The following GLI2 variants were observed in gnomAD, a reference collection of about 807,000 sequenced individuals.
GLI2 encodes transcription activator GLI2.
In GLI2, 22 loss-of-function variants were observed where a neutral mutation model predicts 78.9. The ratio of observed to expected loss-of-function variants is 0.28; its 90% CI spans 0.20 to 0.40. GLI2 has a LOEUF of 0.40. Among genes scored for constraint, GLI2 ranks in the 10% least tolerant of loss-of-function variants. The probability of loss-of-function intolerance (pLI) is 1.00; values close to 1 mark genes in which losing one functional copy is unlikely to be tolerated. For missense variants in GLI2, 2,097 were observed against 2,213.2 expected, an observed-to-expected ratio of 0.95 and a Z score of 1.05; for synonymous variants, 974 against 963.7, an observed-to-expected ratio of 1.01 and a Z score of -0.20.
chr2:120,978,775 C>T lies in GLI2; in HGVS notation c.1467+192C>T, dbSNP rs1682582275. On this transcript the variant is annotated intron_variant, in intron 10 of 13. Coordinates refer to ENST00000361492, the MANE Select transcript of GLI2 (RefSeq NM_001374353.1). ...GGAGGCCCCTCGCCTCGTGCCGTCC[C>T]AGACCTTGATGGACTTGCTCTCTGG... Among the ~76,000 whole-genome samples, 2 of 152,194 alleles carry T rather than the reference C, an allele frequency of 1.3e-5. 1 individual carries two copies. The highest frequency in any genetic ancestry group is 4.1e-4 in the South Asian group (2 of 4,822).
In GLI2 at chr2:120,886,630, T is replaced by C. The variant is rs1401913584; in HGVS notation, c.149-40731T>C. Among the ~76,000 whole-genome samples, 11 of 152,292 alleles carry C rather than the reference T, an allele frequency of 7.2e-5. No individual in the cohort carries two copies. In the South Asian group the frequency reaches 8.3e-4, roughly 11 times the overall value. ...GCGCTCCAGAGAGCTCATACTAGCC[T>C]TCCTGAGGGGCGTGAGTGGGTGAGG... On this transcript the variant is annotated intron_variant, in intron 2 of 13. Transcript: ENST00000361492.
At chr2:120,882,179 G>A (rs540526847) in intron 2 of GLI2, among the ~76,000 whole-genome samples, 2 of 152,196 alleles carry the variant, frequency 1.3e-5, no homozygotes, top group African/African-American at 4.8e-5. Context: ...AGGGGCTCTG[G>A]CTTCTGGAAG....
chr2:120,961,137 G>A (rs538647350), intron 5 of GLI2, among the ~76,000 whole-genome samples: 1 of 152,142 alleles, frequency 6.6e-6, no homozygotes, highest in Non-Finnish European at 1.5e-5. Flanking sequence ...AGATGTTTCC[G>A]ACTGAAATGT....
chr2:120,813,550 C>T (rs1039925264), intron 2 of GLI2, among the ~76,000 whole-genome samples: 4 of 152,210 alleles, frequency 2.6e-5, no homozygotes, highest in African/African-American at 9.6e-5. Context: ...TTTGCAGCTG[C>T]GTGACTGCCC....
rs192787349 is a variant in GLI2, at chr2:120,912,402, A to C, written c.149-14959A>C. 7.9e-5 allele frequency among the ~76,000 whole-genome samples: 12 copies of C among 152,088 alleles called. No individual in the cohort carries two copies. The East Asian group carries it at 2.3e-3, about 29-fold the overall frequency. The stretch of plus-strand genomic sequence containing the variant: ...GGCTGGAGGGTTGGGTCATGAGACC[A>C]CATATTCTGTGTCTCAGTTTCTGAA... On this transcript the variant is annotated intron_variant, in intron 2 of 13. Coordinates refer to ENST00000361492, the MANE Select transcript of GLI2 (RefSeq NM_001374353.1).
At chr2:120,985,590 T>C (rs552539915) in intron 12 of GLI2, among the ~76,000 whole-genome samples, 1 of 152,226 alleles carries the variant, frequency 6.6e-6, no homozygotes, top group Admixed American at 6.5e-5. Flanking sequence ...CCAAGAAAGC[T>C]GGAATTTGGG....
At chr2:120,926,072 C>CAAAAAAAA (rs35224973) in intron 2 of GLI2, among the ~76,000 whole-genome samples, 1 of 63,234 alleles carries the variant, frequency 1.6e-5, no homozygotes, top group African/African-American at 8.0e-5. Flanking sequence ...GACTCCGTCT[C>CAAAAAAAA]AAAAAAAAAA....
intron 5 of GLI2, among the ~76,000 whole-genome samples, chr2:120,964,302 C>A (rs2104997422): frequency 6.6e-6 from 1 of 152,322 alleles, no homozygotes; most frequent in East Asian, 1.9e-4. Flanking sequence ...GACCTGGTGG[C>A]TGGAGTGAGG....
chr2:120,981,590 A>G (rs969567968), intron 10 of GLI2, among the ~76,000 whole-genome samples: 1 of 152,226 alleles, frequency 6.6e-6, no homozygotes, highest in East Asian at 1.9e-4. Flanking sequence ...GGAAACAGAT[A>G]AAAGGCGTTT....
At position 120,786,714 on chromosome 2, in the gene GLI2, T is replaced by TGGCTTTGTGCTG. The variant is rs773575233; in HGVS notation, c.-30-10576_-30-10575insGCTTTGTGCTGG. Among the ~76,000 whole-genome samples, 176 of 152,298 alleles carry TGGCTTTGTGCTG rather than the reference T, an allele frequency of 1.2e-3. 2 individuals carry two copies. Among genetic ancestry groups the TGGCTTTGTGCTG allele is most frequent in the Non-Finnish European group, 9.3e-4 (63 of 68,036 alleles). ...ATTCTTATGCAGTGCTGGCAAACACTGCCCATGGCAGACAGTACAAGTTGA... is the reference window on the plus strand; with the variant it reads ...ATTCTTATGCAGTGCTGGCAAACACTGGCTTTGTGCTGGCCCATGGCAGACAGTACAAGTTGA... On this transcript the variant is annotated intron_variant, in intron 1 of 13. Coordinates refer to ENST00000361492, the MANE Select transcript of GLI2 (RefSeq NM_001374353.1).
intron 3 of GLI2, among the ~76,000 whole-genome samples, chr2:120,929,293 G>C (rs1489512967): frequency 1.3e-5 from 2 of 152,168 alleles, no homozygotes; most frequent in African/African-American, 4.8e-5. Context: ...TGGCTTCTCC[G>C]CTTTAAAGTT....
chr2:120,928,493 C>T (rs1351704446), intron 3 of GLI2, among the ~76,000 whole-genome samples: 2 of 152,220 alleles, frequency 1.3e-5, no homozygotes, highest in African/African-American at 4.8e-5. Context: ...TCTGAGCTCT[C>T]CTCTCACCTC....
At chr2:120,959,260 A>G (rs1208904595) in intron 5 of GLI2, among the ~76,000 whole-genome samples, 2 of 152,178 alleles carry the variant, frequency 1.3e-5, no homozygotes, top group Non-Finnish European at 2.9e-5. Flanking sequence ...TTGGGAACAC[A>G]TCTGGCTTCA....
chr2:120,886,382 CAGCCACTGGAGT>C (rs1362694786), intron 2 of GLI2, among the ~76,000 whole-genome samples: 2 of 152,106 alleles, frequency 1.3e-5, no homozygotes, highest in African/African-American at 4.8e-5. Flanking sequence ...TCTCCCACCT[CAGCCACTGGAGT>C]AGTTGGGACC....
chr2:120,904,440 T>C (rs1162506159), intron 2 of GLI2, among the ~76,000 whole-genome samples: 1 of 152,168 alleles, frequency 6.6e-6, no homozygotes, highest in Non-Finnish European at 1.5e-5. Context: ...GGTCCCTGGC[T>C]TTCTGTGACC....
intron 3 of GLI2, among the ~76,000 whole-genome samples, chr2:120,935,166 G>C (rs912226048): frequency 6.6e-6 from 1 of 152,218 alleles, no homozygotes; most frequent in East Asian, 1.9e-4. Context: ...CTTCCGAAAG[G>C]CATGTCCACC....
chr2:120,886,111 G>GT (rs557681492), intron 2 of GLI2, among the ~76,000 whole-genome samples: 9 of 146,916 alleles, frequency 6.1e-5, no homozygotes, highest in East Asian at 2.0e-4. Flanking sequence ...TGGTTTTGGG[G>GT]TTTTTTTTTG....
chr2:120,767,283 A>G (rs956876743), intron 1 of GLI2, among the ~76,000 whole-genome samples: 1 of 144,784 alleles, frequency 6.9e-6, no homozygotes, highest in Non-Finnish European at 1.5e-5. Context: ...CCAAGGGTAC[A>G]GCTGAGTGAG....
intron 1 of GLI2, among the ~76,000 whole-genome samples, chr2:120,766,603 G>T (rs1017328454): frequency 2.1e-4 from 32 of 152,240 alleles, no homozygotes; most frequent in African/African-American, 6.8e-4. Flanking sequence ...GAGGTGGTGA[G>T]AGCAGCGGAG....
Sources: gnomAD v4.1 joint callset for allele counts (sites outside exome capture counted in the v4.1 genomes callset) on GRCh38, gnomAD v4.1.1 for gene constraint, MANE v1.5 for transcripts, NCBI Gene and HGNC (gene_info 2026-07-23, HGNC 2026-07-21) for gene names.